IQSEC1: variants seen among roughly 807,000 people sequenced by gnomAD.
IQSEC1 encodes the protein IQ motif and SEC7 domain-containing protein 1.
IQSEC1 carries 31 observed loss-of-function variants against 91.0 expected under a neutral mutation model. The observed-to-expected ratio is 0.34, with a 90% confidence interval of 0.26 to 0.46. The LOEUF is 0.46. IQSEC1 is among the 20% of genes least tolerant of loss of function. The pLI is 1.00. For missense variants in IQSEC1, 1,388 were observed against 1,575.6 expected (o/e 0.88, Z 2.02); for synonymous variants, 699 against 662.6 (o/e 1.05, Z -0.84).
At chr3:13,167,981 C>A (rs936092577) in intron 1 of IQSEC1, among the ~76,000 whole-genome samples, 7 of 152,232 alleles carry the variant, frequency 4.6e-5, no homozygotes, top group Non-Finnish European at 4.4e-5. Flanking sequence ...GGAACACAGG[C>A]TTCTGGTTCT....
chr3:13,110,052 T>C (rs1215558692), intron 2 of IQSEC1, among the ~76,000 whole-genome samples: 1 of 151,492 alleles, frequency 6.6e-6, no homozygotes, highest in African/African-American at 2.4e-5. Flanking sequence ...CCGGCTAGTT[T>C]TTGTATTTTT....
chr3:13,046,514 C>A (rs1160171999), intron 1 of IQSEC1, among the ~76,000 whole-genome samples: 1 of 152,202 alleles, frequency 6.6e-6, no homozygotes, highest in Admixed American at 6.5e-5. Context: ...CACGTGGGGC[C>A]CAGCCCTTGG....
intron 1 of IQSEC1, among the ~76,000 whole-genome samples, chr3:13,262,533 C>A (rs2125131580): frequency 6.6e-6 from 1 of 152,296 alleles, no homozygotes; most frequent in East Asian, 1.9e-4. Context: ...TGCCACATCA[C>A]CCCAGCACCC....
At chr3:13,240,148 G>C (rs1226462363) in intron 1 of IQSEC1, among the ~76,000 whole-genome samples, 1 of 152,082 alleles carries the variant, frequency 6.6e-6, no homozygotes, top group African/African-American at 2.4e-5. Flanking sequence ...GGAAGCTGAG[G>C]CGGGAGGATC....
chr3:13,066,904 G>C (rs1365963198), intron 1 of IQSEC1, among the ~76,000 whole-genome samples: 1 of 152,236 alleles, frequency 6.6e-6, no homozygotes, highest in Non-Finnish European at 1.5e-5. Context: ...TGAATGAATG[G>C]GTGAGTGATC....
rs575691670 is a variant in IQSEC1, at chr3:13,034,513, G to A, written c.23+38479C>T. Among the ~76,000 whole-genome samples, 8 of 152,294 alleles carry A rather than the reference G, an allele frequency of 5.3e-5. No individual in the cohort carries two copies. The South Asian group carries it at 1.2e-3, about 24-fold the overall frequency. On this transcript the variant is annotated intron_variant, in intron 1 of 13. Coordinates refer to ENST00000613206, the MANE Select transcript of IQSEC1 (RefSeq NM_001134382.3). ...AACACAGAAGGCAGCCGGGGAGGAG[G>A]AGAGGGCGTAGTGAAAGACTGAGCC...
At chr3:13,027,624 A>C (rs1703671876) in intron 1 of IQSEC1, among the ~76,000 whole-genome samples, 1 of 152,114 alleles carries the variant, frequency 6.6e-6, no homozygotes, top group Non-Finnish European at 1.5e-5. Flanking sequence ...GAGAGAGAAA[A>C]GAGGAGTGGA....
chr3:13,042,210 G>C (rs890698743), intron 1 of IQSEC1: 1 of 152,264 alleles, frequency 6.6e-6, no homozygotes, highest in Non-Finnish European at 1.5e-5. Context: ...CCCTGCAATC[G>C]GGCAGGATCA....
Position 13,203,858 on chromosome 3 carries a change from C to T in IQSEC1, c.273-39725G>A, listed in dbSNP as rs550345012. ...CCTCACATTTACTGAGCACCTAACA[C>T]GTGCGGGGCCCTGAGCGTGCCAGTG... On this transcript the variant is annotated intron_variant, in intron 1 of 15. Transcript: ENST00000648114. Among the ~76,000 whole-genome samples the T allele has an allele frequency of 2.0e-5, 3 of 152,354 alleles. No individual in the cohort carries two copies. The South Asian group carries it at 6.2e-4, about 32-fold the overall frequency.
At chr3:13,120,922 T>G (rs1438256338) in intron 2 of IQSEC1, among the ~76,000 whole-genome samples, 1 of 152,220 alleles carries the variant, frequency 6.6e-6, no homozygotes, top group Non-Finnish European at 1.5e-5. Context: ...GGATTAAATA[T>G]GGCCTCGGGG....
chr3:13,248,097 T>A lies in IQSEC1; in HGVS notation c.272+34614A>T, dbSNP rs77890317. On this transcript the variant is annotated intron_variant, in intron 1 of 15. Coordinates refer to the IQSEC1 transcript ENST00000648114. Reference sequence around the variant, plus strand: ...GGGGGCATCCCCCATCCATTCACCCTCAGAGGGCTGCAAAGCTGGGTTCTG... The same window carrying A: ...GGGGGCATCCCCCATCCATTCACCCACAGAGGGCTGCAAAGCTGGGTTCTG... Among the ~76,000 whole-genome samples, 1,033 of 152,248 alleles carry A rather than the reference T, an allele frequency of 6.8e-3. 10 individuals are homozygous for A. Among genetic ancestry groups the A allele is most frequent in the African/African-American group, 0.024 (978 of 41,544 alleles).
In IQSEC1 at chr3:13,192,260, C is replaced by G. The variant is rs900158818; in HGVS notation, c.273-28127G>C. ...GGCTGAGGCAGGAAAATGGCGTGAC[C>G]CCGGGAGGCGGAGCTTGCAGTGAGT... On this transcript the variant is annotated intron_variant, in intron 1 of 15. Transcript: ENST00000648114. 2.6e-5 allele frequency among the ~76,000 whole-genome samples: 4 copies of G among 151,748 alleles called. No individual in the cohort carries two copies. The East Asian group carries it at 5.8e-4, about 22-fold the overall frequency.
intron 2 of IQSEC1, among the ~76,000 whole-genome samples, chr3:13,148,923 C>T (rs1706944172): frequency 6.6e-6 from 1 of 152,266 alleles, no homozygotes; most frequent in African/African-American, 2.4e-5. Flanking sequence ...CCAGGGGAGC[C>T]AAGGCTACAG....
At chr3:13,176,887 T>C (rs73132640) in intron 1 of IQSEC1, among the ~76,000 whole-genome samples, 5,432 of 152,330 alleles carry the variant, frequency 0.036, 328 homozygotes, top group African/African-American at 0.12. Context: ...TACTGTTCAC[T>C]CATAAAAAGG....
intron 2 of IQSEC1, among the ~76,000 whole-genome samples, chr3:13,080,767 C>G (rs1381012477): frequency 6.6e-6 from 1 of 152,186 alleles, no homozygotes. Context: ...CTCCCCAGCC[C>G]CCGCCCTGCC....
intron 2 of IQSEC1, among the ~76,000 whole-genome samples, chr3:13,116,031 A>G (rs1215205978): frequency 6.6e-6 from 1 of 152,224 alleles, no homozygotes; most frequent in South Asian, 2.1e-4. Context: ...AATCAGCAGG[A>G]AAGAAGGGTC....
chr3:13,180,186 G>T (rs1693814061), intron 1 of IQSEC1, among the ~76,000 whole-genome samples: 1 of 152,224 alleles, frequency 6.6e-6, no homozygotes, highest in Non-Finnish European at 1.5e-5. Context: ...TCCTGAGTCT[G>T]GTGGGGACTT....
chr3:13,005,375 G>A (rs1368677006), intron 1 of IQSEC1, among the ~76,000 whole-genome samples: 4 of 152,176 alleles, frequency 2.6e-5, no homozygotes, highest in Non-Finnish European at 5.9e-5. Context: ...GGGGATCTGG[G>A]GGCCCAGAGC....
At chr3:12,929,604 C>A (rs1697485550) in intron 3 of IQSEC1, among the ~76,000 whole-genome samples, 1 of 152,304 alleles carries the variant, frequency 6.6e-6, no homozygotes, top group East Asian at 1.9e-4. Context: ...TTCCCTCTAC[C>A]CTCCGGATGC....
Sources: gnomAD v4.1 joint callset for allele counts (sites outside exome capture counted in the v4.1 genomes callset) on GRCh38, gnomAD v4.1.1 for gene constraint, MANE v1.5 for transcripts, NCBI Gene and HGNC (gene_info 2026-07-23, HGNC 2026-07-21) for gene names.